The following PPP3CC variants were observed in gnomAD, a reference collection of about 807,000 sequenced individuals.
PPP3CC encodes protein phosphatase 3 catalytic subunit gamma, also known as serine/threonine-protein phosphatase 2B catalytic subunit gamma isoform.
PPP3CC carries 35 observed loss-of-function variants against 60.3 expected under a neutral mutation model. The observed-to-expected ratio is 0.58, with a 90% CI of 0.44 to 0.77. The LOEUF (loss-of-function observed/expected upper bound fraction) is 0.77. Among genes scored for constraint, PPP3CC ranks in the 30% least tolerant of loss-of-function variants. PPP3CC has a pLI of 0.00. For synonymous variants in PPP3CC, 206 were observed against 224.3 expected (o/e 0.92, Z 0.73); for missense variants, 570 against 628.9 (o/e 0.91, Z 1.00).
chr8:22,495,782 C>T (rs1838559497), intron 3 of PPP3CC, among the ~76,000 whole-genome samples: 1 of 152,142 alleles, frequency 6.6e-6, no homozygotes. Flanking sequence ...TGGTCTCAAG[C>T]TCCTGACTTC....
chr8:22,457,890 G>A (rs187315089), intron 1 of PPP3CC, among the ~76,000 whole-genome samples: 2,927 of 152,206 alleles, frequency 0.019, 59 homozygotes, highest in East Asian at 0.084. Context: ...TCAGGAGTTC[G>A]AGATCAGCCT....
intron 3 of PPP3CC, among the ~76,000 whole-genome samples, chr8:22,482,904 C>T (rs75378213): frequency 1.3e-5 from 2 of 151,722 alleles, no homozygotes; most frequent in African/African-American, 2.4e-5. Context: ...TCATAACAGT[C>T]GAGTTAGAAT....
intron 1 of PPP3CC, among the ~76,000 whole-genome samples, chr8:22,444,774 G>C (rs552953977): frequency 2.2e-4 from 33 of 152,330 alleles, no homozygotes; most frequent in African/African-American, 7.7e-4. Flanking sequence ...CAGTTTATAT[G>C]CACTGGGGCA....
intron 1 of PPP3CC, among the ~76,000 whole-genome samples, chr8:22,461,520 A>G (rs761032946): frequency 8.5e-5 from 13 of 152,340 alleles, no homozygotes; most frequent in Non-Finnish European, 1.9e-4. Context: ...ATAACATGGC[A>G]TAACATTTTA....
At chr8:22,503,029 T>C (rs1238008258) in intron 4 of PPP3CC, among the ~76,000 whole-genome samples, 1 of 152,136 alleles carries the variant, frequency 6.6e-6, no homozygotes, top group Admixed American at 6.5e-5. Flanking sequence ...TTTTATATCC[T>C]CTCTAGTATT....
chr8:22,506,482 A>T (rs2117078592), intron 4 of PPP3CC, among the ~76,000 whole-genome samples: 1 of 152,338 alleles, frequency 6.6e-6, no homozygotes, highest in South Asian at 2.1e-4. Flanking sequence ...ATATGCTATC[A>T]TTTATGTAAA....
chr8:22,462,238 C>G (rs890904027), intron 1 of PPP3CC, among the ~76,000 whole-genome samples: 1 of 151,954 alleles, frequency 6.6e-6, no homozygotes, highest in Non-Finnish European at 1.5e-5. Context: ...GGGAGACCCT[C>G]TCTCTTAAAA....
At chr8:22,490,335 C>T (rs557606632) in intron 3 of PPP3CC, among the ~76,000 whole-genome samples, 24 of 152,240 alleles carry the variant, frequency 1.6e-4, no homozygotes, top group African/African-American at 5.5e-4. Context: ...TGTATTCTGT[C>T]GGGTTCCCAG....
intron 4 of PPP3CC, among the ~76,000 whole-genome samples, chr8:22,508,835 A>G (rs1404158570): frequency 2.6e-5 from 4 of 152,182 alleles, no homozygotes; most frequent in African/African-American, 4.8e-5. Context: ...TTTATGGCCA[A>G]TGCTGGATCT....
chr8:22,530,829 C>CAAACA (rs1839691242), intron 10 of PPP3CC, among the ~76,000 whole-genome samples: 1 of 58,034 alleles, frequency 1.7e-5, no homozygotes, highest in African/African-American at 5.2e-5. Flanking sequence ...AGACTCATCT[C>CAAACA]AAAAAAAAAA....
In PPP3CC at chr8:22,478,503, C is replaced by T. The variant is rs142903317; in HGVS notation, c.372+2879C>T. 9.2e-5 allele frequency among the ~76,000 whole-genome samples: 14 copies of T among 152,256 alleles called. No homozygotes were observed. In the East Asian group the frequency reaches 1.3e-3, roughly 15 times the overall value. The stretch of plus-strand genomic sequence containing the variant: ...ATGCCAAATTATCTTCTGATTAACT[C>T]GTATAACTTAAAATAGCTTTAAAAT... On this transcript the variant is annotated intron_variant, in intron 3 of 13. Coordinates refer to ENST00000240139, the MANE Select transcript of PPP3CC (RefSeq NM_005605.5).
chr8:22,491,483 G>A (rs937875988), intron 3 of PPP3CC, among the ~76,000 whole-genome samples: 15 of 152,176 alleles, frequency 9.9e-5, no homozygotes, highest in Middle Eastern at 3.4e-3. Context: ...CTCACTCTTA[G>A]GAGTTTCTTA....
At chr8:22,513,712 T>C (rs1839158430) in intron 6 of PPP3CC, among the ~76,000 whole-genome samples, 1 of 152,180 alleles carries the variant, frequency 6.6e-6, no homozygotes, top group Non-Finnish European at 1.5e-5. Context: ...TCCTAAACAT[T>C]ATCTATACAC....
At position 22,513,311 on chromosome 8, in the gene PPP3CC, C is replaced by A. The variant is rs773037392; in HGVS notation, c.649C>A (p.Pro217Thr). ...DIRKLDRFTE[P>T]PAFGPVCDLL... ...CTTCTAGTTAGACAGGTTTACGGAA[C>A]CTCCCGCCTTTGGACCTGTGTGTGA... The change falls in exon 6 of 14, where the codon CCT (proline) becomes ACT (threonine). Residue 217 changes from proline to threonine, a missense_variant. Transcript: ENST00000240139. 6.2e-7 allele frequency: 1 copy of A among 1,611,754 alleles called. No individual in the cohort carries two copies. The highest frequency in any genetic ancestry group is 1.3e-5 in the African/African-American group (1 of 74,694).
chr8:22,538,692 T>G (rs2117163908), intron 12 of PPP3CC, among the ~76,000 whole-genome samples: 1 of 152,352 alleles, frequency 6.6e-6, no homozygotes, highest in Admixed American at 6.5e-5. Flanking sequence ...GCAAGGAAGT[T>G]TACCTGTTGG....
chr8:22,466,455 G>C (rs972850178), intron 1 of PPP3CC, among the ~76,000 whole-genome samples: 1 of 151,798 alleles, frequency 6.6e-6, no homozygotes, highest in Non-Finnish European at 1.5e-5. Flanking sequence ...ACCCACCAAC[G>C]GTGTATTTCT....
chr8:22,483,570 G>C (rs1317318516), intron 3 of PPP3CC, among the ~76,000 whole-genome samples: 1 of 152,228 alleles, frequency 6.6e-6, no homozygotes, highest in African/African-American at 2.4e-5. Flanking sequence ...ATAGGTGTGA[G>C]CCACTGCGCC....
At chr8:22,452,136 C>T (rs951932462) in intron 1 of PPP3CC, among the ~76,000 whole-genome samples, 2 of 151,728 alleles carry the variant, frequency 1.3e-5, no homozygotes, top group African/African-American at 2.4e-5. Context: ...CTCAATTGAT[C>T]GTCCTGCCTC....
intron 3 of PPP3CC, among the ~76,000 whole-genome samples, chr8:22,495,959 C>T (rs1838566767): frequency 6.6e-6 from 1 of 152,264 alleles, no homozygotes; most frequent in African/African-American, 2.4e-5. Flanking sequence ...CAAATTTTCA[C>T]CTACACCAGG....
Sources: allele counts gnomAD v4.1 joint callset (sites outside exome capture counted in the v4.1 genomes callset), GRCh38; gene constraint gnomAD v4.1.1; transcripts MANE v1.5; gene names NCBI Gene and HGNC (gene_info 2026-07-23, HGNC 2026-07-21).